RANBP2: variants seen among roughly 807,000 people sequenced by gnomAD.
The protein encoded by RANBP2 is RAN binding protein 2.
A neutral mutation model predicts 303.6 loss-of-function variants in RANBP2; 57 were observed. The observed-to-expected ratio is 0.19, with a 90% CI of 0.15 to 0.23. The LOEUF is 0.23. RANBP2 is among the 10% of genes least tolerant of loss of function. The probability of loss-of-function intolerance (pLI) is 1.00; values close to 1 mark genes in which losing one functional copy is unlikely to be tolerated. For missense variants in RANBP2, 3,138 were observed against 3,780.8 expected, an observed-to-expected ratio of 0.83 and a Z score of 4.46; for synonymous variants, 1,167 against 1,301.5, an observed-to-expected ratio of 0.90 and a Z score of 2.23.
chr2:109,117,120 A>C, the RANBP2 span, among the ~76,000 whole-genome samples: 1 of 152,232 alleles, frequency 6.6e-6, no homozygotes, highest in Non-Finnish European at 1.5e-5. Context: ...GCCCGTTCTC[A>C]GATCTCCAGC....
the RANBP2 span, chr2:108,910,914 G>A: frequency 6.2e-7 from 1 of 1,614,070 alleles, no homozygotes; most frequent in African/African-American, 1.3e-5. Context: ...GGAGAGTCCA[G>A]GAAGCAGGGC....
chr2:109,552,799 A>C, the RANBP2 span: 1 of 296,316 alleles, frequency 3.4e-6, no homozygotes, highest in Non-Finnish European at 6.2e-6. Flanking sequence ...TGAAAGAAAA[A>C]TGTGTGCACC....
the RANBP2 span, among the ~76,000 whole-genome samples, chr2:109,646,430 GC>G: frequency 2.6e-5 from 4 of 152,106 alleles, no homozygotes; most frequent in Non-Finnish European, 4.4e-5. Context: ...CCACACTGGA[GC>G]CTGAGGCAAA....
At chr2:108,753,589 A>C (rs752689116) in intron 14 of RANBP2, 26 bp downstream of exon 14, 3 of 1,603,424 alleles carry the variant, frequency 1.9e-6, no homozygotes, top group Non-Finnish European at 2.5e-6. Flanking sequence ...ACTTGAGCTA[A>C]AAGTTTTATT....
chr2:109,130,679 C>G, the RANBP2 span, among the ~76,000 whole-genome samples: 2 of 152,190 alleles, frequency 1.3e-5, no homozygotes, highest in Non-Finnish European at 2.9e-5. Context: ...TGACCCAGCC[C>G]TTTTGGACTT....
At chr2:109,508,960 GC>G in the RANBP2 span, among the ~76,000 whole-genome samples, 1 of 152,202 alleles carries the variant, frequency 6.6e-6, no homozygotes, top group Admixed American at 6.5e-5. Context: ...GTCCCAGAGC[GC>G]TTCCTCTGGA....
At chr2:109,458,928 A>G in the RANBP2 span, among the ~76,000 whole-genome samples, 1 of 152,240 alleles carries the variant, frequency 6.6e-6, no homozygotes, top group African/African-American at 2.4e-5. Flanking sequence ...CCACACTGAC[A>G]TAAAACTCAC....
chr2:109,067,369 C>T, the RANBP2 span, among the ~76,000 whole-genome samples: 14 of 152,336 alleles, frequency 9.2e-5, no homozygotes, highest in East Asian at 5.8e-4. Flanking sequence ...TGGGCAGTGA[C>T]GCCTCCAAAG....
the RANBP2 span, chr2:109,567,891 A>C: frequency 6.2e-7 from 1 of 1,614,016 alleles, no homozygotes. Context: ...ATTGCTGACC[A>C]ATTCACTCAT....
At chr2:109,256,023 C>G in the RANBP2 span, among the ~76,000 whole-genome samples, 2 of 152,274 alleles carry the variant, frequency 1.3e-5, no homozygotes, top group South Asian at 2.1e-4. Flanking sequence ...TGTACATACT[C>G]TCTTACTGTC....
the RANBP2 span, among the ~76,000 whole-genome samples, chr2:109,626,191 T>C: frequency 1.3e-5 from 2 of 152,134 alleles, no homozygotes; most frequent in Admixed American, 1.3e-4. Context: ...CAAATGCCCC[T>C]GAGAAGGGCC....
At chr2:109,324,993 G>T in the RANBP2 span, among the ~76,000 whole-genome samples, 1 of 152,202 alleles carries the variant, frequency 6.6e-6, no homozygotes, top group African/African-American at 2.4e-5. Flanking sequence ...GGAAAAGTTT[G>T]TTCTGGGAGA....
At chr2:109,418,340 G>A in the RANBP2 span, among the ~76,000 whole-genome samples, 1 of 152,262 alleles carries the variant, frequency 6.6e-6, no homozygotes, top group African/African-American at 2.4e-5. Context: ...CCACAAACTA[G>A]GTGGCTAAAA....
At chr2:109,436,345 T>G in the RANBP2 span, among the ~76,000 whole-genome samples, 4 of 152,324 alleles carry the variant, frequency 2.6e-5, no homozygotes, top group South Asian at 8.3e-4. Flanking sequence ...GCTGATGTCA[T>G]CTGGAAACTT....
At chr2:109,152,207 C>T in the RANBP2 span, among the ~76,000 whole-genome samples, 1 of 152,246 alleles carries the variant, frequency 6.6e-6, no homozygotes, top group Non-Finnish European at 1.5e-5. Context: ...TATCACAAAA[C>T]TGTCACCTGT....
the RANBP2 span, chr2:109,732,828 AC>A: frequency 7.8e-7 from 1 of 1,289,394 alleles, no homozygotes; most frequent in Non-Finnish European, 1.1e-6. Flanking sequence ...GTTGCTAGAA[AC>A]CCTCCTGGCT....
At chr2:109,334,844 T>C in the RANBP2 span, among the ~76,000 whole-genome samples, 1 of 152,242 alleles carries the variant, frequency 6.6e-6, no homozygotes, top group African/African-American at 2.4e-5. Flanking sequence ...TCAGTAGCAC[T>C]TCCAGGACAG....
chr2:109,512,028 C>A, the RANBP2 span, among the ~76,000 whole-genome samples: 5 of 152,156 alleles, frequency 3.3e-5, no homozygotes, highest in African/African-American at 1.2e-4. Flanking sequence ...AGTGCCAGAC[C>A]CATCTCCAGG....
the RANBP2 span, among the ~76,000 whole-genome samples, chr2:109,098,154 G>T: frequency 1.7e-3 from 255 of 152,280 alleles, 3 homozygotes; most frequent in African/African-American, 5.9e-3. Flanking sequence ...GAGAGAGCCT[G>T]CAAAGTAGGT....
Sources: gnomAD v4.1 joint callset for allele counts (sites outside exome capture counted in the v4.1 genomes callset) on GRCh38, gnomAD v4.1.1 for gene constraint, MANE v1.5 for transcripts, NCBI Gene and HGNC (gene_info 2026-07-23, HGNC 2026-07-21) for gene names.